Variants in CTNNA3 observed in about 807,000 individuals in gnomAD.
The protein encoded by CTNNA3 is catenin alpha 3, also known as catenin alpha-3.
CTNNA3 carries 76 observed loss-of-function variants against 95.7 expected under a neutral mutation model. The ratio of observed to expected loss-of-function variants is 0.79; its 90% CI spans 0.66 to 0.96. CTNNA3 has a LOEUF of 0.96. Ranked by LOEUF, CTNNA3 falls within the 40% of genes least tolerant of loss-of-function variation. The probability of loss-of-function intolerance (pLI) is 0.00; values close to 1 mark genes in which losing one functional copy is unlikely to be tolerated. For synonymous variants in CTNNA3, 431 were observed against 374.4 expected (o/e 1.15, Z -1.74); for missense variants, 1,191 against 1,089.8 (o/e 1.09, Z -1.31).
intron 9 of CTNNA3, among the ~76,000 whole-genome samples, chr10:66,648,904 T>C (rs1163652423): frequency 2.0e-5 from 3 of 152,172 alleles, no homozygotes; most frequent in African/African-American, 7.2e-5. Flanking sequence ...TCCATCTGCA[T>C]ATAGCTGGGT....
At chr10:66,335,808 G>T (rs1408853384) in intron 12 of CTNNA3, among the ~76,000 whole-genome samples, 2 of 152,088 alleles carry the variant, frequency 1.3e-5, no homozygotes, top group Non-Finnish European at 2.9e-5. Flanking sequence ...CTTTTGTTTG[G>T]CTATGCCCTG....
chr10:67,549,003 TGAC>T (rs970711551), intron 3 of CTNNA3, among the ~76,000 whole-genome samples: 23 of 152,236 alleles, frequency 1.5e-4, no homozygotes, highest in African/African-American at 5.5e-4. Flanking sequence ...GCACATAAAA[TGAC>T]ATTCTATCAT....
chr10:66,582,251 G>A (rs536336955), intron 10 of CTNNA3, among the ~76,000 whole-genome samples: 3 of 151,838 alleles, frequency 2.0e-5, no homozygotes, highest in East Asian at 3.9e-4. Flanking sequence ...TCATTTTCAT[G>A]ATATTGATTG....
intron 7 of CTNNA3, among the ~76,000 whole-genome samples, chr10:67,065,259 G>A (rs767538213): frequency 3.3e-5 from 5 of 151,992 alleles, no homozygotes; most frequent in Non-Finnish European, 7.4e-5. Flanking sequence ...TATGGCCTTG[G>A]GCAACTCCTT....
At chr10:67,171,643 T>G (rs1862027835) in intron 7 of CTNNA3, among the ~76,000 whole-genome samples, 1 of 152,020 alleles carries the variant, frequency 6.6e-6, no homozygotes, top group East Asian at 1.9e-4. Context: ...TCCCAGCTAT[T>G]CAGGAGGCTG....
intron 7 of CTNNA3, among the ~76,000 whole-genome samples, chr10:67,022,848 G>T (rs1403612789): frequency 6.6e-6 from 1 of 152,158 alleles, no homozygotes; most frequent in African/African-American, 2.4e-5. Context: ...TGAGGCAGGA[G>T]AATAGCTTGA....
intron 5 of CTNNA3, among the ~76,000 whole-genome samples, chr10:67,458,916 G>T (rs1847271420): frequency 6.6e-6 from 1 of 152,050 alleles, no homozygotes; most frequent in Non-Finnish European, 1.5e-5. Flanking sequence ...CAAGAACGTG[G>T]ATTATTTCTC....
intron 7 of CTNNA3, among the ~76,000 whole-genome samples, chr10:66,945,952 G>A (rs900911258): frequency 7.2e-5 from 11 of 152,056 alleles, no homozygotes; most frequent in Non-Finnish European, 1.5e-4. Flanking sequence ...AACAATTACA[G>A]TAGTAACATC....
chr10:66,298,485 T>TA (rs1397231942), intron 12 of CTNNA3, among the ~76,000 whole-genome samples: 2 of 152,148 alleles, frequency 1.3e-5, no homozygotes, highest in Admixed American at 1.3e-4. Flanking sequence ...TATACACACA[T>TA]AAAAAATACA....
At chr10:66,861,984 G>C (rs1261936373) in intron 7 of CTNNA3, among the ~76,000 whole-genome samples, 2 of 152,168 alleles carry the variant, frequency 1.3e-5, no homozygotes, top group African/African-American at 4.8e-5. Context: ...GGAGGCCAAG[G>C]AAGGCTTATG....
chr10:67,202,077 A>G (rs1455847872), intron 6 of CTNNA3, among the ~76,000 whole-genome samples: 1 of 152,130 alleles, frequency 6.6e-6, no homozygotes, highest in Admixed American at 6.6e-5. Flanking sequence ...CTTCATCAAA[A>G]ATTTCTTTTT....
chr10:66,908,312 C>T lies in CTNNA3; in HGVS notation c.1048-132788G>A, dbSNP rs111653310. Among the ~76,000 whole-genome samples the T allele has an allele frequency of 2.3e-3, 352 of 152,318 alleles. 3 individuals are homozygous for T. Among genetic ancestry groups the T allele is most frequent in the African/African-American group, 8.0e-3 (334 of 41,574 alleles). On this transcript the variant is annotated intron_variant, in intron 7 of 17. Coordinates refer to ENST00000433211, the MANE Select transcript of CTNNA3 (RefSeq NM_013266.4). The stretch of plus-strand genomic sequence containing the variant: ...AGCCTCTGGGATGACAATGTGACTC[C>T]ATGCCAGTTTCTTGTAGCATACAGG...
chr10:66,127,476 A>G (rs1442393996), intron 13 of CTNNA3, among the ~76,000 whole-genome samples: 1 of 152,072 alleles, frequency 6.6e-6, no homozygotes, highest in Non-Finnish European at 1.5e-5. Context: ...ACAAATTCCA[A>G]TAAAGTGACA....
chr10:66,112,194 G>C (rs2082145802), intron 13 of CTNNA3, among the ~76,000 whole-genome samples: 1 of 152,150 alleles, frequency 6.6e-6, no homozygotes, highest in Non-Finnish European at 1.5e-5. Flanking sequence ...ATAGCCACCA[G>C]AGGGAGAAGG....
intron 7 of CTNNA3, among the ~76,000 whole-genome samples, chr10:67,047,385 A>G (rs1364331252): frequency 1.3e-5 from 2 of 152,178 alleles, no homozygotes; most frequent in African/African-American, 2.4e-5. Flanking sequence ...CCAGAAGGAA[A>G]GATCAAAAAC....
Position 66,407,553 on chromosome 10 carries a change from G to A in CTNNA3, c.1532-28201C>T, listed in dbSNP as rs191905347. Among the ~76,000 whole-genome samples the A allele has an allele frequency of 9.1e-4, 137 of 151,188 alleles. 1 individual carries two copies. Among genetic ancestry groups the A allele is most frequent in the South Asian group, 2.9e-3 (14 of 4,768 alleles). The stretch of plus-strand genomic sequence containing the variant: ...TTTGATATGAGACATATATTTATTT[G>A]AAGCTAAAAGCCCACTTTCACAACT... On this transcript the variant is annotated intron_variant, in intron 11 of 17. Coordinates refer to ENST00000433211, the MANE Select transcript of CTNNA3 (RefSeq NM_013266.4).
chr10:66,327,299 T>C (rs1393209783), intron 12 of CTNNA3, among the ~76,000 whole-genome samples: 1 of 152,138 alleles, frequency 6.6e-6, no homozygotes, highest in Non-Finnish European at 1.5e-5. Flanking sequence ...TAAATTGTGT[T>C]AAATAAGGAA....
chr10:66,397,183 G>C (rs1423407429), intron 11 of CTNNA3, among the ~76,000 whole-genome samples: 1 of 151,304 alleles, frequency 6.6e-6, no homozygotes, highest in Non-Finnish European at 1.5e-5. Context: ...TTAAAGCATT[G>C]ATATATTTTC....
intron 17 of CTNNA3, among the ~76,000 whole-genome samples, chr10:65,952,508 C>T (rs2077640064): frequency 6.6e-6 from 1 of 151,720 alleles, no homozygotes; most frequent in Non-Finnish European, 1.5e-5. Context: ...TACTTCTTCC[C>T]GTCTTTCTTT....
Sources: gnomAD v4.1 joint callset for allele counts (sites outside exome capture counted in the v4.1 genomes callset) on GRCh38, gnomAD v4.1.1 for gene constraint, MANE v1.5 for transcripts, NCBI Gene and HGNC (gene_info 2026-07-23, HGNC 2026-07-21) for gene names.